The following UBXN2B variants were observed in gnomAD, a reference collection of about 807,000 sequenced individuals.
The protein encoded by UBXN2B is UBX domain-containing protein 2B.
A neutral mutation model predicts 37.5 loss-of-function variants in UBXN2B; 19 were observed. That is an observed-to-expected ratio of 0.51 (90% confidence interval 0.35 to 0.74). UBXN2B has a LOEUF of 0.74. Ranked by LOEUF, UBXN2B falls within the 30% of genes least tolerant of loss-of-function variation. The probability of loss-of-function intolerance (pLI) is 0.01; values close to 1 mark genes in which losing one functional copy is unlikely to be tolerated. For missense variants in UBXN2B, 370 were observed against 393.2 expected, an observed-to-expected ratio of 0.94 and a Z score of 0.50; for synonymous variants, 145 against 143.8, an observed-to-expected ratio of 1.01 and a Z score of -0.06.
chr8:58,418,595 A>T (rs1807845550), intron 2 of UBXN2B, among the ~76,000 whole-genome samples: 1 of 152,192 alleles, frequency 6.6e-6, no homozygotes. Flanking sequence ...ATTGTCTGCT[A>T]TTTATTACAT....
chr8:58,447,078 C>T lies in UBXN2B; in HGVS notation c.834-311C>T, dbSNP rs370758707. ...CCTCCCAAAGTGCTGGAATTACAGGCGTAAGCCACCGTGCCCAGCTGGACC... is the reference window on the plus strand; with the variant it reads ...CCTCCCAAAGTGCTGGAATTACAGGTGTAAGCCACCGTGCCCAGCTGGACC... On this transcript the variant is annotated intron_variant, in intron 7 of 7. Transcript: ENST00000399598. Among the ~76,000 whole-genome samples the T allele has an allele frequency of 7.2e-5, 11 of 152,000 alleles. No homozygotes were observed. The South Asian group carries it at 2.1e-3, about 29-fold the overall frequency.
At chr8:58,416,661 C>T (rs1156760976) in intron 1 of UBXN2B, among the ~76,000 whole-genome samples, 189 bp from the exon 2 acceptor site, 1 of 152,056 alleles carries the variant, frequency 6.6e-6, no homozygotes, top group Non-Finnish European at 1.5e-5. Flanking sequence ...ATAGATGTGG[C>T]ATTTTGGTTA....
intron 2 of UBXN2B, among the ~76,000 whole-genome samples, chr8:58,427,111 G>A (rs536510900): frequency 1.3e-5 from 2 of 152,318 alleles, no homozygotes; most frequent in African/African-American, 4.8e-5. Context: ...GAGAGAACAG[G>A]ATAAAGAGAG....
intron 2 of UBXN2B, among the ~76,000 whole-genome samples, chr8:58,422,831 C>T (rs565094078): frequency 1.3e-5 from 2 of 152,210 alleles, no homozygotes; most frequent in Admixed American, 1.3e-4. Context: ...TGAAGACCCT[C>T]TCTTTATTTC....
chr8:58,451,088 C>T lies in UBXN2B; in HGVS notation c.*3537C>T, dbSNP rs558743106. ...CTTAAAAGAATTGAACATTGTAAAT[C>T]AAAGGGCATTGTCCTGTTTTGGATT... is the stretch of plus-strand genomic sequence containing the variant. On this transcript the variant is annotated 3_prime_UTR_variant, in exon 8 of 8. Transcript: ENST00000399598. The T allele has an allele frequency of 2.6e-5, 4 of 152,698 alleles. No individual in the cohort carries two copies. The highest frequency in any genetic ancestry group is 9.6e-5 in the African/African-American group (4 of 41,540). 9.5% of individuals were successfully genotyped at this position (152,698 alleles called of 1,614,324 possible).
chr8:58,430,393 T>C (rs898378172), intron 2 of UBXN2B, 126 bp from the exon 3 acceptor site: 4 of 603,878 alleles, frequency 6.6e-6, no homozygotes, highest in South Asian at 7.0e-5. Context: ...TTAAATATTC[T>C]CATAGAAGTC....
intron 5 of UBXN2B, among the ~76,000 whole-genome samples, chr8:58,436,568 T>A: frequency 6.6e-6 from 1 of 152,184 alleles, no homozygotes; most frequent in Non-Finnish European, 1.5e-5. Context: ...TCAAATCTCA[T>A]GTTGAAATGT....
intron 2 of UBXN2B, chr8:58,425,590 A>G: frequency 9.5e-7 from 1 of 1,056,034 alleles, no homozygotes; most frequent in Non-Finnish European, 1.5e-6. Context: ...GCCGTAGAGA[A>G]GTATGCACTC....
chr8:58,438,568 T>A (rs1234291212), intron 5 of UBXN2B, among the ~76,000 whole-genome samples: 1 of 152,240 alleles, frequency 6.6e-6, no homozygotes, highest in Non-Finnish European at 1.5e-5. Flanking sequence ...GCCTGTTGCC[T>A]CTTTCTTTTG....
At chr8:58,432,092 TA>T (rs1563462871) in intron 3 of UBXN2B, among the ~76,000 whole-genome samples, 1 of 152,258 alleles carries the variant, frequency 6.6e-6, no homozygotes, top group Non-Finnish European at 1.5e-5. Context: ...TAAACTTGGA[TA>T]AAGTCCAATT....
At chr8:58,432,716 A>G (rs1012560260) in intron 3 of UBXN2B, among the ~76,000 whole-genome samples, 3 of 152,152 alleles carry the variant, frequency 2.0e-5, no homozygotes, top group African/African-American at 7.2e-5. Flanking sequence ...CAATATTGAT[A>G]TACTAAAGAC....
intron 2 of UBXN2B, among the ~76,000 whole-genome samples, chr8:58,421,978 T>C (rs1807937186): frequency 6.6e-6 from 1 of 152,236 alleles, no homozygotes; most frequent in Admixed American, 6.5e-5. Flanking sequence ...ACCGGAGATA[T>C]ATTTGTACAA....
At chr8:58,434,938 G>C (rs1170570094) in intron 5 of UBXN2B, 1 of 1,535,534 alleles carries the variant, frequency 6.5e-7, no homozygotes, top group Admixed American at 2.0e-5. Flanking sequence ...GCTGGCAGAA[G>C]ATTTCAAAAG....
At chr8:58,426,410 A>G (rs924428804) in intron 2 of UBXN2B, 17 of 561,922 alleles carry the variant, frequency 3.0e-5, no homozygotes, top group Non-Finnish European at 3.6e-5. Context: ...GGGTTTCACC[A>G]TGTTAGCCAG....
chr8:58,419,077 G>T (rs922380335), intron 2 of UBXN2B, among the ~76,000 whole-genome samples: 1 of 152,160 alleles, frequency 6.6e-6, no homozygotes, highest in African/African-American at 2.4e-5. Context: ...AGTTTGTAAG[G>T]ATTTTGTGCC....
chr8:58,414,070 G>A (rs62512907), intron 1 of UBXN2B, among the ~76,000 whole-genome samples: 30,636 of 152,192 alleles, frequency 0.2, 3,267 homozygotes, highest in Middle Eastern at 0.28. Flanking sequence ...GTTAGGGTTA[G>A]GATTGGATTT....
intron 5 of UBXN2B, among the ~76,000 whole-genome samples, chr8:58,437,863 G>A (rs982595605): frequency 6.6e-6 from 1 of 152,116 alleles, no homozygotes; most frequent in Non-Finnish European, 1.5e-5. Flanking sequence ...AGAGAGATTT[G>A]CATGAATAGA....
chr8:58,434,794 T>C, intron 5 of UBXN2B: 1 of 1,529,026 alleles, frequency 6.5e-7, no homozygotes, highest in East Asian at 2.4e-5. Flanking sequence ...AATGTGATAA[T>C]CAGTGAATTA....
At chr8:58,421,342 G>GT (rs111981301) in intron 2 of UBXN2B, among the ~76,000 whole-genome samples, 3,778 of 140,536 alleles carry the variant, frequency 0.027, 64 homozygotes, top group East Asian at 0.12. Context: ...GCACCTTTTA[G>GT]TTTTTTTTTT....
Sources: allele counts gnomAD v4.1 joint callset (sites outside exome capture counted in the v4.1 genomes callset), GRCh38; gene constraint gnomAD v4.1.1; transcripts MANE v1.5; gene names NCBI Gene and HGNC (gene_info 2026-07-23, HGNC 2026-07-21).